Variants in PCDHGB2 observed in about 807,000 individuals in gnomAD.
The protein encoded by PCDHGB2 is protocadherin gamma subfamily B, 2, also known as protocadherin gamma-B2.
PCDHGB2 carries 55 observed loss-of-function variants against 59.3 expected under a neutral mutation model. That is an observed-to-expected ratio of 0.93 (90% CI 0.75 to 1.16). PCDHGB2 has a LOEUF of 1.16. PCDHGB2 is among the 50% of genes most tolerant of loss of function. The pLI is 0.00. For missense variants in PCDHGB2, 1,228 were observed against 1,198.5 expected (o/e 1.02, Z -0.36); for synonymous variants, 516 against 512.0 (o/e 1.01, Z -0.11).
chr5:141,370,539 AAC>A, intron 1 of PCDHGB2: 3 of 1,613,826 alleles, frequency 1.9e-6, no homozygotes, highest in Non-Finnish European at 2.5e-6. Context: ...GCTGGTAGGG[AAC>A]CTCGCCAAGG....
chr5:141,364,744 A>T (rs1366184046), intron 1 of PCDHGB2: 1 of 1,613,990 alleles, frequency 6.2e-7, no homozygotes, highest in Non-Finnish European at 8.5e-7. Flanking sequence ...ATGAAGAGTT[A>T]AAAGTAAAAG....
At position 141,422,119 on chromosome 5, in the gene PCDHGB2, C is replaced by T. The variant is rs778866054; in HGVS notation, c.2421+59563C>T. 26 of 1,603,658 alleles carry T rather than the reference C, an allele frequency of 1.6e-5. No homozygotes were observed. In the Admixed American group the frequency reaches 4.2e-4, roughly 26 times the overall value. ...TTCTGAAATATTCCAATTGGATTCA[C>T]AAACTGGAGAAGTTCAAGTACGGGG... On this transcript the variant is annotated intron_variant, in intron 1 of 3. Transcript: ENST00000522605.
intron 1 of PCDHGB2, chr5:141,399,913 C>T: frequency 2.5e-6 from 4 of 1,612,372 alleles, no homozygotes; most frequent in Non-Finnish European, 3.4e-6. Context: ...AGACTCAGGA[C>T]ACAACGCCTG....
At chr5:141,492,447 T>G (rs920078908) in intron 1 of PCDHGB2, among the ~76,000 whole-genome samples, 13 of 152,300 alleles carry the variant, frequency 8.5e-5, no homozygotes, top group Middle Eastern at 3.4e-3. Context: ...CGTAGCTGAT[T>G]GTGCGCGCCT....
At chr5:141,479,937 C>G (rs1322238189) in intron 1 of PCDHGB2, among the ~76,000 whole-genome samples, 1 of 152,212 alleles carries the variant, frequency 6.6e-6, no homozygotes, top group African/African-American at 2.4e-5. Context: ...TCATTGCTAT[C>G]AACTCTTGGA....
At chr5:141,368,899 T>A (rs1765918002) in intron 1 of PCDHGB2, among the ~76,000 whole-genome samples, 1 of 152,202 alleles carries the variant, frequency 6.6e-6, no homozygotes, top group Admixed American at 6.5e-5. Context: ...ATTTTTGATG[T>A]TTGTATAAAG....
intron 1 of PCDHGB2, chr5:141,405,588 G>T: frequency 1.7e-6 from 1 of 584,820 alleles, no homozygotes; most frequent in Non-Finnish European, 3.0e-6. Flanking sequence ...GGGACTACAG[G>T]CCTCCCAAGT....
intron 1 of PCDHGB2, among the ~76,000 whole-genome samples, chr5:141,436,531 G>A (rs1365651055): frequency 2.6e-5 from 4 of 152,152 alleles, no homozygotes; most frequent in South Asian, 2.1e-4. Flanking sequence ...CCTTTAGCAA[G>A]TTATTTAATC....
At chr5:141,404,819 A>G in intron 1 of PCDHGB2, 1 of 1,608,430 alleles carries the variant, frequency 6.2e-7, no homozygotes, top group South Asian at 1.1e-5. Flanking sequence ...GGGGCTGCAC[A>G]CAGGTGAAGT....
At chr5:141,405,575 G>C in intron 1 of PCDHGB2, 1 of 598,040 alleles carries the variant, frequency 1.7e-6, no homozygotes. Flanking sequence ...GAGTAGAGTA[G>C]CTGGGACTAC....
chr5:141,383,170 G>A (rs1453801684), intron 1 of PCDHGB2: 2 of 1,614,008 alleles, frequency 1.2e-6, no homozygotes, highest in African/African-American at 2.7e-5. Flanking sequence ...GGGCAGGATA[G>A]ACCGGGAAGA....
intron 1 of PCDHGB2, chr5:141,413,494 G>C: frequency 6.2e-7 from 1 of 1,614,042 alleles, no homozygotes; most frequent in Non-Finnish European, 8.5e-7. Flanking sequence ...CGCGCGGTGC[G>C]TGGTGAGTTT....
At chr5:141,387,821 A>C (rs2091106896) in intron 1 of PCDHGB2, 3 of 1,577,920 alleles carry the variant, frequency 1.9e-6, no homozygotes, top group Non-Finnish European at 2.6e-6. Context: ...AAAATCTGCA[A>C]TACAGAGGTT....
intron 1 of PCDHGB2, among the ~76,000 whole-genome samples, chr5:141,451,788 A>C (rs531473040): frequency 6.6e-6 from 1 of 152,140 alleles, no homozygotes; most frequent in African/African-American, 2.4e-5. Flanking sequence ...GGCTGAGGCC[A>C]GAGAATTGCT....
At chr5:141,366,172 A>G (rs559505576) in intron 1 of PCDHGB2, 15 of 1,614,076 alleles carry the variant, frequency 9.3e-6, no homozygotes, top group African/African-American at 8.0e-5. Context: ...CCAGCGAGCC[A>G]GGACTCTTTG....
At chr5:141,423,026 G>A in intron 1 of PCDHGB2, 2 of 1,614,210 alleles carry the variant, frequency 1.2e-6, no homozygotes, top group African/African-American at 1.3e-5. Flanking sequence ...AAAGATTCAG[G>A]CCAGAACGCC....
In PCDHGB2 at chr5:141,362,208, C is replaced by G; in HGVS notation, c.2073C>G (p.Tyr691Ter). 6.2e-7 allele frequency: 1 copy of G among 1,614,074 alleles called. No individual in the cohort carries two copies. The highest frequency in any genetic ancestry group is 2.2e-5 in the East Asian group (1 of 44,880). ...ACCCCCAGGCAAAACTGCAGTTTTA[C>G]CTGGTTGTGGCCTTGGCCTTGATCT... ...PSDPQAKLQF[Y>*]LVVALALISV... Residue 691 changes from tyrosine (Y) to a stop codon, truncating the protein, a stop_gained, in exon 1 of 4, where the codon TAC becomes TAG. Transcript: ENST00000522605. LOFTEE classifies it high-confidence loss of function.
intron 2 of PCDHGB2, among the ~76,000 whole-genome samples, chr5:141,495,994 T>C (rs2099765151): frequency 6.6e-6 from 1 of 152,146 alleles, no homozygotes; most frequent in Non-Finnish European, 1.5e-5. Flanking sequence ...ATCTCTCTTT[T>C]TCTTTTATCT....
At chr5:141,484,120 C>A (rs1158603108) in intron 1 of PCDHGB2, among the ~76,000 whole-genome samples, 1 of 152,146 alleles carries the variant, frequency 6.6e-6, no homozygotes, top group African/African-American at 2.4e-5. Flanking sequence ...ATCAAGAATA[C>A]CTTGGTGTCA....
Sources: gnomAD v4.1 joint callset for allele counts (sites outside exome capture counted in the v4.1 genomes callset) on GRCh38, gnomAD v4.1.1 for gene constraint, MANE v1.5 for transcripts, NCBI Gene and HGNC (gene_info 2026-07-23, HGNC 2026-07-21) for gene names.